ZMYM2: variants seen among roughly 807,000 people sequenced by gnomAD.
The protein encoded by ZMYM2 is zinc finger MYM-type protein 2.
A neutral mutation model predicts 162.8 loss-of-function variants in ZMYM2; 56 were observed. That is an observed-to-expected ratio of 0.34 (90% CI 0.28 to 0.43). The LOEUF (loss-of-function observed/expected upper bound fraction) is 0.43, where lower values mean the gene tolerates loss of function less well. Ranked by LOEUF, ZMYM2 falls within the 20% of genes least tolerant of loss-of-function variation. The probability of loss-of-function intolerance (pLI) is 1.00; values close to 1 mark genes in which losing one functional copy is unlikely to be tolerated. For missense variants in ZMYM2, 1,275 were observed against 1,621.8 expected (o/e 0.79, Z 3.67); for synonymous variants, 510 against 541.6 (o/e 0.94, Z 0.81).
intron 2 of ZMYM2, among the ~76,000 whole-genome samples, chr13:19,966,089 T>C (rs1261918360): frequency 6.6e-6 from 1 of 151,440 alleles, no homozygotes; most frequent in Non-Finnish European, 1.5e-5. Context: ...TGAATTCTTA[T>C]ATATTTATAA....
At chr13:19,938,956 A>T in the ZMYM2 span, among the ~76,000 whole-genome samples, 1 of 152,050 alleles carries the variant, frequency 6.6e-6, no homozygotes, top group African/African-American at 2.4e-5. Flanking sequence ...CAATTCATGA[A>T]TCATGAATAA....
chr13:19,962,481 A>G (rs1249765186), intron 2 of ZMYM2, among the ~76,000 whole-genome samples: 2 of 134,388 alleles, frequency 1.5e-5, no homozygotes, highest in Non-Finnish European at 3.1e-5. Flanking sequence ...AGACTGGGCT[A>G]TTCAAATTGC....
chr13:19,955,439 A>G (rs1954483586), upstream of ZMYM2, among the ~76,000 whole-genome samples: 1 of 152,168 alleles, frequency 6.6e-6, no homozygotes, highest in Admixed American at 6.5e-5. Context: ...ACACATGACT[A>G]AAAGCATCTA....
At chr13:19,989,870 C>A (rs1198226721) in intron 2 of ZMYM2, among the ~76,000 whole-genome samples, 1 of 152,124 alleles carries the variant, frequency 6.6e-6, no homozygotes, top group Non-Finnish European at 1.5e-5. Flanking sequence ...ATCAGTATAC[C>A]TTGTAGATTT....
At chr13:19,898,490 C>A in the ZMYM2 span, among the ~76,000 whole-genome samples, 2 of 152,156 alleles carry the variant, frequency 1.3e-5, no homozygotes, top group Non-Finnish European at 2.9e-5. Context: ...ACCTCAGCCT[C>A]CCAAAGTGCT....
Position 19,993,479 on chromosome 13 carries a change from C to G in ZMYM2, c.407C>G (p.Ser136Cys). Residue 136 changes from serine (S) to cysteine (C), a missense_variant, in exon 3 of 25, where the codon TCC (serine) becomes TGC (cysteine). Physicochemically the swap from Ser to Cys is moderately radical, Grantham distance 112. This residue lies in a region of ZMYM2 where 295 missense variants were observed against 286.7 expected (regional missense o/e 1.03). Coordinates refer to ENST00000610343, the MANE Select transcript of ZMYM2 (RefSeq NM_197968.4). ...AATCAAGGGCAAGAGAAAAATTCCT[C>G]CAATTTTATTGAACGAAGACCTCCT... ...ETNQGQEKNS[S>C]NFIERRPPET... 6.2e-7 allele frequency: 1 copy of G among 1,614,084 alleles called. No individual in the cohort carries two copies. Among genetic ancestry groups the G allele is most frequent in the Non-Finnish European group, 8.5e-7 (1 of 1,179,990 alleles).
chr13:20,006,603 T>C lies in ZMYM2; in HGVS notation c.1512+17T>C. 6.2e-7 allele frequency: 1 copy of C among 1,611,312 alleles called. No homozygotes were observed. The highest frequency in any genetic ancestry group is 8.5e-7 in the Non-Finnish European group (1 of 1,178,238). ...TACAAACAGGTAATTCATGTTCTAA[T>C]CAAAATTGGGCATTCTTTAGAATGT... is the stretch of plus-strand genomic sequence containing the variant. On this transcript the variant is annotated intron_variant, in intron 6 of 24. Transcript: ENST00000610343.
chr13:20,030,742 C>T (rs908265116), intron 9 of ZMYM2, among the ~76,000 whole-genome samples: 6 of 151,940 alleles, frequency 3.9e-5, no homozygotes, highest in African/African-American at 1.5e-4. Context: ...CCATGTTGAC[C>T]AGGCTGGTCT....
the ZMYM2 span, among the ~76,000 whole-genome samples, chr13:19,929,404 A>G: frequency 1.3e-5 from 2 of 152,016 alleles, no homozygotes; most frequent in East Asian, 3.9e-4. Context: ...ACGCCAGGCT[A>G]ATTTTTTGTA....
At chr13:20,072,125 G>A (rs1277507375) in intron 21 of ZMYM2, 1 of 157,946 alleles carries the variant, frequency 6.3e-6, no homozygotes, top group Non-Finnish European at 1.4e-5. Flanking sequence ...GGTTCAGAGA[G>A]GAAGACACCA....
chr13:19,885,134 C>G, the ZMYM2 span, among the ~76,000 whole-genome samples: 1 of 152,192 alleles, frequency 6.6e-6, no homozygotes, highest in Non-Finnish European at 1.5e-5. Context: ...GCTGGCTTCA[C>G]CTGTCAGTGT....
At chr13:19,875,434 C>T in the ZMYM2 span, among the ~76,000 whole-genome samples, 1 of 151,896 alleles carries the variant, frequency 6.6e-6, no homozygotes, top group Admixed American at 6.6e-5. Context: ...TGGAGACCAT[C>T]CTGGCCAACA....
intron 21 of ZMYM2, among the ~76,000 whole-genome samples, chr13:20,080,217 T>C (rs1957818433): frequency 6.6e-6 from 1 of 152,208 alleles, no homozygotes; most frequent in South Asian, 2.1e-4. Flanking sequence ...GCCAGGCTTT[T>C]ATCAGTTGGT....
chr13:20,073,339 C>G (rs774773563), intron 21 of ZMYM2, among the ~76,000 whole-genome samples: 1 of 152,100 alleles, frequency 6.6e-6, no homozygotes, highest in Non-Finnish European at 1.5e-5. Context: ...TTATATATAA[C>G]TGCTTTAAGT....
chr13:20,065,453 C>A (rs902070326), intron 19 of ZMYM2, among the ~76,000 whole-genome samples: 2 of 152,078 alleles, frequency 1.3e-5, no homozygotes, highest in Non-Finnish European at 2.9e-5. Context: ...AATAAATAAA[C>A]TGGACTACAT....
At chr13:19,900,121 C>T in the ZMYM2 span, among the ~76,000 whole-genome samples, 2 of 151,864 alleles carry the variant, frequency 1.3e-5, no homozygotes, top group East Asian at 1.9e-4. Flanking sequence ...GCCAACATGG[C>T]GAAACCCCAT....
chr13:20,015,156 T>A (rs1299510805), intron 6 of ZMYM2, among the ~76,000 whole-genome samples: 1 of 152,224 alleles, frequency 6.6e-6, no homozygotes, highest in Non-Finnish European at 1.5e-5. Context: ...TGGTATTCTT[T>A]TAGTTTTGTT....
In ZMYM2 at chr13:20,012,846, A is replaced by G. The variant is rs1425884366; in HGVS notation, c.1512+6260A>G. Among the ~76,000 whole-genome samples the G allele has an allele frequency of 2.0e-5, 3 of 152,194 alleles. No individual in the cohort carries two copies. In the East Asian group the frequency reaches 5.8e-4, roughly 29 times the overall value. ...TGTGATCTTATGTATGTGCTGCACT[A>G]TTTTGATTACTGTATCTTTGTAGTA... On this transcript the variant is annotated intron_variant, in intron 6 of 24. Transcript: ENST00000610343.
intron 2 of ZMYM2, among the ~76,000 whole-genome samples, chr13:19,988,521 C>G (rs947796722): frequency 6.6e-6 from 1 of 152,130 alleles, no homozygotes; most frequent in African/African-American, 2.4e-5. Context: ...GGCTCACTCA[C>G]GCCTGTAATT....
Sources: gnomAD v4.1 joint callset for allele counts (sites outside exome capture counted in the v4.1 genomes callset) on GRCh38, gnomAD v4.1.1 for gene constraint, gnomAD v4.1.1 regional missense constraint, MANE v1.5 for transcripts, NCBI Gene and HGNC (gene_info 2026-07-23, HGNC 2026-07-21) for gene names.